MDFIC: variants seen among roughly 807,000 people sequenced by gnomAD.
MDFIC encodes the protein MyoD family inhibitor domain containing.
Under a neutral mutation model 23.2 loss-of-function variants are expected in MDFIC, and 17 were observed. The ratio of observed to expected loss-of-function variants is 0.73; its 90% CI spans 0.50 to 1.10. The LOEUF (loss-of-function observed/expected upper bound fraction) is 1.10, where lower values mean the gene tolerates loss of function less well. Ranked by LOEUF, MDFIC falls within the 50% of genes least tolerant of loss-of-function variation. The probability of loss-of-function intolerance (pLI) is 0.00; values close to 1 mark genes in which losing one functional copy is unlikely to be tolerated. For missense variants in MDFIC, 356 were observed against 316.6 expected (o/e 1.12, Z -0.95); for synonymous variants, 120 against 115.2 (o/e 1.04, Z -0.27).
chr7:114,975,889 G>A (rs1272312362), intron 3 of MDFIC, among the ~76,000 whole-genome samples: 1 of 152,028 alleles, frequency 6.6e-6, no homozygotes. Context: ...AGAGTAAAGG[G>A]ATAATACTTG....
intron 3 of MDFIC, among the ~76,000 whole-genome samples, chr7:114,965,657 C>T (rs772727826): frequency 7.2e-5 from 11 of 152,200 alleles, no homozygotes; most frequent in South Asian, 2.1e-4. Flanking sequence ...TGAGCAGGGA[C>T]GGGCCAGTTT....
intron 3 of MDFIC, among the ~76,000 whole-genome samples, chr7:114,975,173 T>A (rs969123553): frequency 1.3e-5 from 2 of 152,194 alleles, no homozygotes; most frequent in Middle Eastern, 3.4e-3. Context: ...AAATGCCAGC[T>A]TTCTTTAGAA....
chr7:114,923,644 G>A, intron 2 of MDFIC: 1 of 1,424,542 alleles, frequency 7.0e-7, no homozygotes. Context: ...AAATAAACAA[G>A]GTTTATAAGA....
At chr7:114,948,301 A>G (rs1212862766) in intron 3 of MDFIC, among the ~76,000 whole-genome samples, 2 of 152,162 alleles carry the variant, frequency 1.3e-5, no homozygotes, top group African/African-American at 4.8e-5. Flanking sequence ...GACTTTTATG[A>G]TATTAAAGCA....
chr7:114,927,295 T>C (rs949883705), intron 2 of MDFIC, among the ~76,000 whole-genome samples: 1 of 151,182 alleles, frequency 6.6e-6, no homozygotes, highest in African/African-American at 2.4e-5. Flanking sequence ...TAAAAGGATA[T>C]GTTATAGTGA....
chr7:114,925,574 G>T (rs1315311415), intron 2 of MDFIC, among the ~76,000 whole-genome samples: 1 of 152,140 alleles, frequency 6.6e-6, no homozygotes, highest in African/African-American at 2.4e-5. Flanking sequence ...ACAGAGCAGG[G>T]ACATAAGCTT....
intron 3 of MDFIC, among the ~76,000 whole-genome samples, chr7:114,964,493 CCCCTT>C (rs371523324): frequency 1.4e-3 from 147 of 107,826 alleles, no homozygotes; most frequent in African/African-American, 4.7e-3. Context: ...CCCCTCCCCT[CCCCTT>C]CCCTTCCCTT....
At chr7:114,983,772 C>A (rs1050349345) in intron 4 of MDFIC, among the ~76,000 whole-genome samples, 1 of 151,406 alleles carries the variant, frequency 6.6e-6, no homozygotes, top group Admixed American at 6.6e-5. Context: ...GGTTTCACCA[C>A]GTTGGCCAGG....
Position 114,922,410 on chromosome 7 carries a change from G to C in MDFIC, c.-334G>C. On this transcript the variant is annotated 5_prime_UTR_variant, in exon 1 of 5. Transcript: ENST00000393486. Reference sequence around the variant, plus strand: ...CTGGAGTGAGCTGGCTGGAAAGAGGGGGCGGAGTGCGCGGAGTCAGAGCCG... The same window carrying C: ...CTGGAGTGAGCTGGCTGGAAAGAGGCGGCGGAGTGCGCGGAGTCAGAGCCG... 1.6e-6 allele frequency: 2 copies of C among 1,239,116 alleles called. No homozygotes were observed. The highest frequency in any genetic ancestry group is 2.0e-6 in the Non-Finnish European group (2 of 989,336). The allele number at this position is 1,239,116 out of a possible 1,614,324, so 76.8% of individuals were successfully genotyped here.
intron 4 of MDFIC, among the ~76,000 whole-genome samples, chr7:114,991,615 C>G (rs1791163613): frequency 6.6e-6 from 1 of 152,136 alleles, no homozygotes; most frequent in South Asian, 2.1e-4. Context: ...GAATCCTTTC[C>G]CCATTTCTTG....
At position 115,017,788 on chromosome 7, in the gene MDFIC, C is replaced by T. The variant is rs534695460; in HGVS notation, c.*1853C>T. The T allele has an allele frequency of 6.9e-4, 105 of 152,182 alleles. No homozygotes were observed. Among genetic ancestry groups the T allele is most frequent in the African/African-American group, 2.3e-3 (97 of 41,480 alleles). 9.4% of individuals were successfully genotyped at this position (152,182 alleles called of 1,614,324 possible). On this transcript the variant is annotated 3_prime_UTR_variant, in exon 5 of 5. Coordinates refer to ENST00000393486, the MANE Select transcript of MDFIC (RefSeq NM_001166345.3). Reference sequence around the variant, plus strand: ...TCTTAGTAGAAATTTTGAAAGTATGCTTTGGGATTAATAATTATTTTTAAT... The same window carrying T: ...TCTTAGTAGAAATTTTGAAAGTATGTTTTGGGATTAATAATTATTTTTAAT...
rs548881845 is a variant in MDFIC at position 114,979,583 on chromosome 7, G to T, written c.295G>T (p.Gly99Cys). The T allele has an allele frequency of 6.2e-7, 1 of 1,614,030 alleles. No individual in the cohort carries two copies. Residue 99 changes from glycine (G) to cysteine (C), a missense_variant, in exon 4 of 5, where the codon GGC (glycine) becomes TGC (cysteine). By Grantham distance (159) the Gly-to-Cys change is radical. Transcript: ENST00000393486. Reference sequence around the variant, plus strand: ...TGAGGAAATAGGCAAGATAAAGAACGGCCACACAGGTCTGAGCAATGGAAA... The same window carrying T: ...TGAGGAAATAGGCAAGATAAAGAACTGCCACACAGGTCTGAGCAATGGAAA... ...SGEEIGKIKN[G>C]HTGLSNGNGI...
At chr7:114,929,746 T>C (rs901129408) in intron 2 of MDFIC, among the ~76,000 whole-genome samples, 2 of 152,050 alleles carry the variant, frequency 1.3e-5, no homozygotes, top group African/African-American at 4.8e-5. Flanking sequence ...GATGGGTGGA[T>C]TGAATACACT....
At chr7:114,969,069 G>A (rs991836009) in intron 3 of MDFIC, among the ~76,000 whole-genome samples, 1 of 152,082 alleles carries the variant, frequency 6.6e-6, no homozygotes, top group African/African-American at 2.4e-5. Context: ...CTTTTCTGAC[G>A]CTGTTTTCAA....
chr7:114,957,452 C>T (rs1252874052), intron 3 of MDFIC, among the ~76,000 whole-genome samples: 1 of 151,914 alleles, frequency 6.6e-6, no homozygotes, highest in Non-Finnish European at 1.5e-5. Context: ...TTGTTCTTGG[C>T]ATAAAGCAAA....
chr7:115,010,423 C>T (rs1018339844), intron 4 of MDFIC, among the ~76,000 whole-genome samples: 1 of 152,068 alleles, frequency 6.6e-6, no homozygotes, highest in African/African-American at 2.4e-5. Context: ...ACAATCAGAT[C>T]ATTTAAAGAT....
chr7:114,934,627 A>G (rs368524998), intron 2 of MDFIC, among the ~76,000 whole-genome samples: 1 of 152,328 alleles, frequency 6.6e-6, no homozygotes, highest in South Asian at 2.1e-4. Context: ...TCAAAGGAAT[A>G]TATTTTAGAT....
intron 2 of MDFIC, among the ~76,000 whole-genome samples, chr7:114,929,630 A>C (rs1792271089): frequency 6.6e-6 from 1 of 152,162 alleles, no homozygotes; most frequent in Non-Finnish European, 1.5e-5. Context: ...GGAGCTGTTG[A>C]GTCTTCTTAG....
chr7:114,949,790 TA>T (rs5886741), intron 3 of MDFIC, among the ~76,000 whole-genome samples: 137,555 of 152,012 alleles, frequency 0.9, 62,466 homozygotes, highest in East Asian at 1. Flanking sequence ...ACACAAACCC[TA>T]AATGTGGGGA....
Sources: allele counts gnomAD v4.1 joint callset (sites outside exome capture counted in the v4.1 genomes callset), GRCh38; gene constraint gnomAD v4.1.1; transcripts MANE v1.5; gene names NCBI Gene and HGNC (gene_info 2026-07-23, HGNC 2026-07-21).